Variants in MORN3 observed in about 807,000 individuals in gnomAD.
The protein encoded by MORN3 is MORN repeat-containing protein 3.
Under a neutral mutation model 34.7 loss-of-function variants are expected in MORN3, and 38 were observed. The observed-to-expected ratio is 1.10, with a 90% CI of 0.85 to 1.44. The LOEUF is 1.44. MORN3 is among the 40% of genes most tolerant of loss of function. MORN3 has a pLI of 0.00. For synonymous variants in MORN3, 109 were observed against 115.3 expected (o/e 0.95, Z 0.35); for missense variants, 311 against 321.7 (o/e 0.97, Z 0.25).
At chr12:121,670,018 C>T (rs545754483), upstream of MORN3, among the ~76,000 whole-genome samples, 2 of 151,644 alleles carry the variant, frequency 1.3e-5, no homozygotes, top group South Asian at 2.1e-4. Context: ...GTATTACAGG[C>T]GCCCACCACC....
intron 3 of MORN3, among the ~76,000 whole-genome samples, chr12:121,653,726 T>C (rs1893319942): frequency 1.3e-5 from 2 of 152,156 alleles, no homozygotes; most frequent in Admixed American, 1.3e-4. Flanking sequence ...CAGGCTGATC[T>C]CAAACTCCTG....
rs1893201130 is a variant in MORN3 at position 121,649,455 on chromosome 12, C to T, written c.*2196G>A. 6.6e-6 allele frequency: 1 copy of T among 152,110 alleles called. No homozygotes were observed. Among genetic ancestry groups the T allele is most frequent in the Admixed American group, 6.6e-5 (1 of 15,230 alleles). The allele number at this position is 152,110 out of a possible 1,614,324, so 9.4% of individuals were successfully genotyped here. A position where few individuals can be genotyped will look rare whatever the true frequency, so the allele number is the denominator to read the frequency against. ...TTGCTGCGAAGCTGTCAGCACACGG[C>T]CTGGAATAGAGTGAGTGCTCCATAT... On this transcript the variant is annotated 3_prime_UTR_variant, in exon 6 of 6. Coordinates refer to ENST00000355329, the MANE Select transcript of MORN3 (RefSeq NM_173855.5).
At chr12:121,658,925 C>T (rs186673248) in intron 2 of MORN3, among the ~76,000 whole-genome samples, 4 of 152,268 alleles carry the variant, frequency 2.6e-5, no homozygotes, top group African/African-American at 9.6e-5. Context: ...TTCGTCCCCA[C>T]AAGCCTGGCT....
intron 2 of MORN3, among the ~76,000 whole-genome samples, chr12:121,655,924 G>C (rs1029753485): frequency 6.6e-6 from 1 of 151,988 alleles, no homozygotes; most frequent in African/African-American, 2.4e-5. Flanking sequence ...CCAGCTACTC[G>C]GGAGGCTGAG....
At chr12:121,652,358 C>T (rs1893276726) in intron 5 of MORN3, among the ~76,000 whole-genome samples, 1 of 152,034 alleles carries the variant, frequency 6.6e-6, no homozygotes, top group African/African-American at 2.4e-5. Context: ...CTCAGCCTCT[C>T]GAGTAGCTGG....
chr12:121,654,446 A>C lies in MORN3; in HGVS notation c.304-13T>G, dbSNP rs1893357196. On this transcript the variant is annotated splice_polypyrimidine_tract_variant and intron_variant, in intron 2 of 5. Coordinates refer to ENST00000355329, the MANE Select transcript of MORN3 (RefSeq NM_173855.5). Reference sequence around the variant, plus strand: ...GGATCCCATAACCCTGAAAGTACGAAGATGCTACTACTCAGGGCGCCCCCC... The same window carrying C: ...GGATCCCATAACCCTGAAAGTACGACGATGCTACTACTCAGGGCGCCCCCC... 6.4e-7 allele frequency: 1 copy of C among 1,573,892 alleles called. No individual in the cohort carries two copies.
Position 121,654,266 on chromosome 12 carries a change from G to T in MORN3, c.463+8C>A. 6.5e-7 allele frequency: 1 copy of T among 1,547,328 alleles called. No individual in the cohort carries two copies. ...GGTGGGCGGGGCCGGCGGGGGTGGGGCACTCACTCAGGCGCAGCATGCCCT... is the reference window on the plus strand; with the variant it reads ...GGTGGGCGGGGCCGGCGGGGGTGGGTCACTCACTCAGGCGCAGCATGCCCT... On this transcript the variant is annotated splice_region_variant and intron_variant, in intron 3 of 5. Transcript: ENST00000355329.
chr12:121,651,175 G>C lies in MORN3; in HGVS notation c.*476C>G, dbSNP rs1410686900. On this transcript the variant is annotated 3_prime_UTR_variant, in exon 6 of 6. Coordinates refer to ENST00000355329, the MANE Select transcript of MORN3 (RefSeq NM_173855.5). The stretch of plus-strand genomic sequence containing the variant: ...AGGGTCTTGCTATGTTGCCTAAGCT[G>C]GTCTCGAACTCCTGGCCTCAGGCAG... 6.6e-6 allele frequency: 1 copy of C among 151,444 alleles called. No individual in the cohort carries two copies. 9.4% of individuals were successfully genotyped at this position (151,444 alleles called of 1,614,324 possible).
intron 3 of MORN3, among the ~76,000 whole-genome samples, chr12:121,653,782 A>C (rs924792027): frequency 3.7e-4 from 56 of 152,222 alleles, no homozygotes; most frequent in African/African-American, 1.3e-3. Context: ...CTGGGATTAC[A>C]GGCATGAGCC....
At chr12:121,658,527 C>A (rs1289940126) in intron 2 of MORN3, among the ~76,000 whole-genome samples, 1 of 140,532 alleles carries the variant, frequency 7.1e-6, no homozygotes, top group African/African-American at 2.7e-5. Flanking sequence ...GATGGCGCCA[C>A]TGCACTCCAG....
intron 1 of MORN3, among the ~76,000 whole-genome samples, chr12:121,668,979 C>T (rs1247176851): frequency 6.6e-6 from 1 of 152,180 alleles, no homozygotes; most frequent in Non-Finnish European, 1.5e-5. Flanking sequence ...CAGAACCCCA[C>T]TGCAAGCTGG....
Position 121,648,778 on chromosome 12 carries a change from A to C in MORN3, c.*2873T>G, listed in dbSNP as rs1369405901. The C allele has an allele frequency of 2.0e-5, 3 of 152,266 alleles. No individual in the cohort carries two copies. The East Asian group carries it at 5.8e-4, about 29-fold the overall frequency. The allele number at this position is 152,266 out of a possible 1,614,324, so 9.4% of individuals were successfully genotyped here. A position where few individuals can be genotyped will look rare whatever the true frequency, so the allele number is the denominator to read the frequency against. On this transcript the variant is annotated 3_prime_UTR_variant, in exon 6 of 6. Coordinates refer to ENST00000355329, the MANE Select transcript of MORN3 (RefSeq NM_173855.5). ...TCATTTTTATTTACATTTTGAATAC[A>C]TAATACATTCACATGGTTCCAAACA...
At chr12:121,664,051 A>C (rs2136880127) in intron 1 of MORN3, among the ~76,000 whole-genome samples, 1 of 152,310 alleles carries the variant, frequency 6.6e-6, no homozygotes, top group Non-Finnish European at 1.5e-5. Flanking sequence ...ACCTGACCCA[A>C]GTTGGTCCAA....
At chr12:121,665,354 G>A (rs1893718171) in intron 1 of MORN3, among the ~76,000 whole-genome samples, 1 of 128,096 alleles carries the variant, frequency 7.8e-6, no homozygotes, top group Admixed American at 9.6e-5. Flanking sequence ...GCACTGGCGC[G>A]ATCTCGGCTC....
upstream of MORN3, among the ~76,000 whole-genome samples, chr12:121,671,317 G>T (rs544729670): frequency 5.9e-4 from 86 of 146,802 alleles, 1 homozygote; most frequent in South Asian, 9.5e-3. Context: ...TGAGGCAGGA[G>T]AATGGCATGA....
intron 2 of MORN3, among the ~76,000 whole-genome samples, chr12:121,654,954 C>T (rs1211829551): frequency 2.0e-5 from 3 of 152,102 alleles, no homozygotes; most frequent in Admixed American, 6.6e-5. Flanking sequence ...CTGCTGGCGC[C>T]TCCATGCAGC....
upstream of MORN3, among the ~76,000 whole-genome samples, chr12:121,671,178 C>A (rs1016383377): frequency 1.3e-5 from 2 of 148,482 alleles, no homozygotes; most frequent in African/African-American, 2.5e-5. Flanking sequence ...GAGGCCGAGG[C>A]GGGTGGATCA....
intron 1 of MORN3, among the ~76,000 whole-genome samples, chr12:121,666,967 T>C (rs1291458319): frequency 6.7e-6 from 1 of 148,990 alleles, no homozygotes; most frequent in Non-Finnish European, 1.5e-5. Context: ...TTTTTTTTTT[T>C]TTTTTTTGAG....
At position 121,649,338 on chromosome 12, in the gene MORN3, A is replaced by C. The variant is rs1478600140; in HGVS notation, c.*2313T>G. The C allele has an allele frequency of 6.6e-6, 1 of 152,174 alleles. No homozygotes were observed. The highest frequency in any genetic ancestry group is 1.5e-5 in the Non-Finnish European group (1 of 68,074). 9.4% of individuals were successfully genotyped at this position (152,174 alleles called of 1,614,324 possible). A position where few individuals can be genotyped will look rare whatever the true frequency, so the allele number is the denominator to read the frequency against. On this transcript the variant is annotated 3_prime_UTR_variant, in exon 6 of 6. Transcript: ENST00000355329. ...GTTTAAGCACAGTACTAGCTTGATG[A>C]CTTGTGATCCTCCCTGAACCTGTTT...
Sources: allele counts gnomAD v4.1 joint callset (sites outside exome capture counted in the v4.1 genomes callset), GRCh38; gene constraint gnomAD v4.1.1; transcripts MANE v1.5; gene names NCBI Gene and HGNC (gene_info 2026-07-23, HGNC 2026-07-21).